NSMAF: variants seen among roughly 807,000 people sequenced by gnomAD.
NSMAF encodes neutral sphingomyelinase activation associated factor.
NSMAF carries 90 observed loss-of-function variants against 134.9 expected under a neutral mutation model. The observed-to-expected ratio is 0.67, with a 90% confidence interval of 0.56 to 0.79. The LOEUF is 0.79. Among genes scored for constraint, NSMAF ranks in the 30% least tolerant of loss-of-function variants. NSMAF has a pLI of 0.00. For synonymous variants in NSMAF, 358 were observed against 389.6 expected (o/e 0.92, Z 0.96); for missense variants, 1,010 against 1,119.0 (o/e 0.90, Z 1.39).
intron 26 of NSMAF, 100 bp from the exon 27 acceptor site, chr8:58,587,801 C>A: frequency 1.0e-6 from 1 of 966,856 alleles, no homozygotes; most frequent in Non-Finnish European, 1.6e-6. Flanking sequence ...TTCCATTTAA[C>A]AGACTTGCCA....
Position 58,586,541 on chromosome 8 carries a change from T to C in NSMAF, c.2363A>G (p.Asn788Ser). 1.2e-6 allele frequency: 2 copies of C among 1,613,968 alleles called. No individual in the cohort carries two copies. The highest frequency in any genetic ancestry group is 2.2e-5 in the East Asian group (1 of 44,876). Residue 788 changes from asparagine (N) to serine (S), a missense_variant, in exon 28 of 31, where the codon AAT becomes AGT. Physicochemically the swap from Asn to Ser is conservative, Grantham distance 46. Coordinates refer to ENST00000038176, the MANE Select transcript of NSMAF (RefSeq NM_003580.4). ...LVSGTKEGTV[N>S]IWDLTTATLM... ...GGTGGCCGTTGTGAGGTCCCAAATA[T>C]TCACTGTGCCTTCTTTGGTGCCGGA... is the stretch of plus-strand genomic sequence containing the variant.
chr8:58,610,310 C>CA (rs987481457), intron 9 of NSMAF, among the ~76,000 whole-genome samples: 4 of 152,332 alleles, frequency 2.6e-5, no homozygotes, highest in East Asian at 3.9e-4. Context: ...AGTCCCTTCT[C>CA]ATTCTGCTTT....
Position 58,635,517 on chromosome 8 carries a change from G to T in NSMAF, c.179C>A (p.Ser60Ter). The T allele has an allele frequency of 1.2e-6, 2 of 1,605,438 alleles. No individual in the cohort carries two copies. The highest frequency in any genetic ancestry group is 2.3e-5 in the South Asian group (2 of 88,866). The change falls in exon 3 of 31, where the codon TCA (serine) becomes TAA (stop). Residue 60 changes from serine (S) to a stop codon, truncating the protein, a stop_gained. Transcript: ENST00000038176. LOFTEE classifies it high-confidence loss of function. ...ATCTGGTTCAAAAATCACCGATTTTGAACATATTTTTAAGGAGCCTCTGAT... is the reference window on the plus strand; with the variant it reads ...ATCTGGTTCAAAAATCACCGATTTTTAACATATTTTTAAGGAGCCTCTGAT... ...RKIRGSLKIC[S>*]KSVIFEPDSI...
At position 58,609,750 on chromosome 8, in the gene NSMAF, C is replaced by T. The variant is rs905306322; in HGVS notation, c.558-17G>A. 1.2e-6 allele frequency: 2 copies of T among 1,612,864 alleles called. No homozygotes were observed. The highest frequency in any genetic ancestry group is 1.7e-6 in the Non-Finnish European group (2 of 1,179,604). On this transcript the variant is annotated splice_polypyrimidine_tract_variant and intron_variant, in intron 9 of 30. Coordinates refer to ENST00000038176, the MANE Select transcript of NSMAF (RefSeq NM_003580.4). ...TTTTGGAACCTGAAAATAGGTTTTT[C>T]AGCAAAAGTAAGAAAAATCAGAAAT...
chr8:58,602,644 T>C (rs998911031), intron 13 of NSMAF, among the ~76,000 whole-genome samples: 1 of 152,162 alleles, frequency 6.6e-6, no homozygotes, highest in Non-Finnish European at 1.5e-5. Context: ...AGGAACTAAC[T>C]GTTCACAATA....
At chr8:58,617,795 G>C (rs1806696027) in intron 9 of NSMAF, among the ~76,000 whole-genome samples, 1 of 152,170 alleles carries the variant, frequency 6.6e-6, no homozygotes, top group South Asian at 2.1e-4. Context: ...ATTTCACCCA[G>C]CAATCCCATT....
chr8:58,601,091 T>C, intron 16 of NSMAF, 194 bp downstream of exon 16: 1 of 469,116 alleles, frequency 2.1e-6, no homozygotes, highest in Non-Finnish European at 3.7e-6. Context: ...GACAAAAAGC[T>C]GTACATAAAA....
In NSMAF at chr8:58,589,668, A is replaced by G. The variant is rs987068771; in HGVS notation, c.2088-93T>C. ...AAGAAACATTATGTTGTTTCATTCT[A>G]TACTTACTAAGGCTCACTAGAATTA... On this transcript the variant is annotated intron_variant, in intron 25 of 30. Coordinates refer to ENST00000038176, the MANE Select transcript of NSMAF (RefSeq NM_003580.4). 53 of 1,229,832 alleles carry G rather than the reference A, an allele frequency of 4.3e-5. No individual in the cohort carries two copies. The Admixed American group carries it at 1.5e-3, about 34-fold the overall frequency. The allele number at this position is 1,229,832 out of a possible 1,614,324, so 76.2% of individuals were successfully genotyped here. A position where few individuals can be genotyped will look rare whatever the true frequency, so the allele number is the denominator to read the frequency against.
intron 1 of NSMAF, among the ~76,000 whole-genome samples, chr8:58,656,787 G>T (rs560671545): frequency 6.6e-6 from 1 of 151,910 alleles, no homozygotes; most frequent in African/African-American, 2.4e-5. Flanking sequence ...CCAAGATCAC[G>T]CCACTGCACT....
intron 22 of NSMAF, 152 bp from the exon 23 acceptor site, chr8:58,594,442 C>T (rs1806087268): frequency 1.5e-6 from 1 of 667,960 alleles, no homozygotes; most frequent in Non-Finnish European, 2.6e-6. Context: ...CCTGCCATTA[C>T]CAAATCACTG....
intron 16 of NSMAF, among the ~76,000 whole-genome samples, chr8:58,600,353 G>A (rs374797544): frequency 5.3e-5 from 8 of 151,974 alleles, no homozygotes; most frequent in Admixed American, 2.0e-4. Flanking sequence ...GGTAGGGCGC[G>A]GTGGCTCACA....
intron 12 of NSMAF, among the ~76,000 whole-genome samples, chr8:58,604,014 T>C (rs927346519): frequency 6.6e-6 from 1 of 152,204 alleles, no homozygotes; most frequent in Admixed American, 6.5e-5. Flanking sequence ...AATGCAGCAA[T>C]GAGAACTTCC....
chr8:58,598,490 CAAAA>C (rs71250204), intron 19 of NSMAF, among the ~76,000 whole-genome samples: 4,129 of 125,504 alleles, frequency 0.033, 29 homozygotes, highest in African/African-American at 0.1. Flanking sequence ...CTGTCTCAAA[CAAAA>C]AAAAAAAAAA....
chr8:58,655,616 T>C (rs17273109), intron 1 of NSMAF, among the ~76,000 whole-genome samples: 15,574 of 152,116 alleles, frequency 0.1, 831 homozygotes, highest in Middle Eastern at 0.12. Flanking sequence ...CCCTGACAAA[T>C]CCAAGGAAGA....
intron 2 of NSMAF, among the ~76,000 whole-genome samples, chr8:58,639,209 G>A (rs541456269): frequency 2.6e-5 from 4 of 151,922 alleles, no homozygotes; most frequent in African/African-American, 4.8e-5. Flanking sequence ...GCTTGAACCC[G>A]GAAGGCAGAG....
intron 26 of NSMAF, chr8:58,588,789 C>G (rs1401759608): frequency 9.9e-7 from 1 of 1,009,668 alleles, no homozygotes; most frequent in Non-Finnish European, 1.6e-6. Context: ...CCGGAGAGAG[C>G]TAACTTGACA....
At chr8:58,641,959 G>A (rs1194315220) in intron 2 of NSMAF, among the ~76,000 whole-genome samples, 2 of 152,084 alleles carry the variant, frequency 1.3e-5, no homozygotes, top group Admixed American at 6.5e-5. Context: ...GATGATATAC[G>A]ATAGAAGAAT....
chr8:58,631,738 A>G (rs1341461611), intron 5 of NSMAF, among the ~76,000 whole-genome samples, 192 bp from the exon 6 acceptor site: 1 of 152,168 alleles, frequency 6.6e-6, no homozygotes, highest in Non-Finnish European at 1.5e-5. Flanking sequence ...CAAATATCAA[A>G]TTAAAAAGAG....
chr8:58,625,409 T>TGTATGTATGTATGTATGTAC (rs2129144696), intron 6 of NSMAF, among the ~76,000 whole-genome samples: 1 of 152,316 alleles, frequency 6.6e-6, no homozygotes, highest in South Asian at 2.1e-4. Flanking sequence ...TATGTATGTA[T>TGTATGTATGTATGTATGTAC]GTATGTATAT....
Sources: gnomAD v4.1 joint callset for allele counts (sites outside exome capture counted in the v4.1 genomes callset) on GRCh38, gnomAD v4.1.1 for gene constraint, MANE v1.5 for transcripts, NCBI Gene and HGNC (gene_info 2026-07-23, HGNC 2026-07-21) for gene names.